The following CDKAL1 variants were observed in gnomAD, a reference collection of about 807,000 sequenced individuals.
The protein encoded by CDKAL1 is threonylcarbamoyladenosine tRNA methylthiotransferase.
A neutral mutation model predicts 68.2 loss-of-function variants in CDKAL1; 32 were observed. That is an observed-to-expected ratio of 0.47 (90% CI 0.35 to 0.63). The LOEUF is 0.63. Ranked by LOEUF, CDKAL1 falls within the 30% of genes least tolerant of loss-of-function variation. The probability of loss-of-function intolerance (pLI) is 0.00; values close to 1 mark genes in which losing one functional copy is unlikely to be tolerated. For missense variants in CDKAL1, 606 were observed against 696.7 expected (o/e 0.87, Z 1.47); for synonymous variants, 234 against 244.3 (o/e 0.96, Z 0.39).
intron 6 of CDKAL1, among the ~76,000 whole-genome samples, chr6:20,746,428 G>A (rs1773666439): frequency 6.6e-6 from 1 of 152,192 alleles, no homozygotes; most frequent in Non-Finnish European, 1.5e-5. Flanking sequence ...GTGTTACACA[G>A]CAAAGTTGCT....
chr6:20,740,404 A>G (rs1263083902), intron 6 of CDKAL1, among the ~76,000 whole-genome samples: 1 of 152,112 alleles, frequency 6.6e-6, no homozygotes, highest in Non-Finnish European at 1.5e-5. Context: ...TTTGTAGTCA[A>G]TTACTCTTTG....
intron 5 of CDKAL1, among the ~76,000 whole-genome samples, chr6:20,707,152 T>C (rs550961804): frequency 6.6e-6 from 1 of 152,348 alleles, no homozygotes; most frequent in East Asian, 1.9e-4. Context: ...ATGATGGAGA[T>C]AATGTTCTGT....
intron 4 of CDKAL1, among the ~76,000 whole-genome samples, chr6:20,598,024 G>A (rs1765912171): frequency 6.6e-6 from 1 of 152,164 alleles, no homozygotes. Context: ...TTTATCTCCT[G>A]TTATTCCCTC....
At chr6:20,987,052 G>A (rs1387161394) in intron 10 of CDKAL1, among the ~76,000 whole-genome samples, 2 of 152,162 alleles carry the variant, frequency 1.3e-5, no homozygotes, top group Non-Finnish European at 2.9e-5. Context: ...GGCAAACAAA[G>A]ATGTGTAAGC....
chr6:21,229,698 C>T (rs1030894424), intron 15 of CDKAL1, among the ~76,000 whole-genome samples: 6 of 152,224 alleles, frequency 3.9e-5, no homozygotes, highest in African/African-American at 1.4e-4. Context: ...CTCATCTGCT[C>T]CTTCCACACC....
intron 4 of CDKAL1, among the ~76,000 whole-genome samples, chr6:20,648,516 C>T (rs929612436): frequency 1.3e-5 from 2 of 151,916 alleles, no homozygotes; most frequent in Admixed American, 1.3e-4. Flanking sequence ...ATCTTTCTTC[C>T]TAGGTGGAGA....
intron 4 of CDKAL1, among the ~76,000 whole-genome samples, chr6:20,614,195 C>A (rs1766779856): frequency 6.6e-6 from 1 of 152,190 alleles, no homozygotes; most frequent in Admixed American, 6.5e-5. Flanking sequence ...GATTTTTCCC[C>A]CTTTGCTATA....
intron 13 of CDKAL1, among the ~76,000 whole-genome samples, chr6:21,114,463 T>C (rs1358427225): frequency 3.9e-5 from 6 of 152,200 alleles, no homozygotes; most frequent in Non-Finnish European, 8.8e-5. Flanking sequence ...CTGGATGTGG[T>C]GGCTCATCCC....
At chr6:20,877,148 C>A (rs1056115927) in intron 9 of CDKAL1, among the ~76,000 whole-genome samples, 1 of 152,068 alleles carries the variant, frequency 6.6e-6, no homozygotes, top group Non-Finnish European at 1.5e-5. Context: ...ATGGGAAAGA[C>A]TTTTGTGGTT....
chr6:20,874,975 A>G (rs537063687), intron 9 of CDKAL1, among the ~76,000 whole-genome samples: 35 of 151,892 alleles, frequency 2.3e-4, no homozygotes, highest in Admixed American at 5.9e-4. Context: ...TTTTGAACTG[A>G]TGGGAGGAGG....
At chr6:21,050,041 A>G (rs1770457541) in intron 11 of CDKAL1, among the ~76,000 whole-genome samples, 1 of 152,146 alleles carries the variant, frequency 6.6e-6, no homozygotes, top group African/African-American at 2.4e-5. Flanking sequence ...GTTTACTTTA[A>G]AAAGGTAAAA....
At chr6:20,544,521 A>G (rs560211026) in intron 2 of CDKAL1, among the ~76,000 whole-genome samples, 1,612 of 142,170 alleles carry the variant, frequency 0.011, 23 homozygotes, top group Non-Finnish European at 0.012. Flanking sequence ...GCGTGAACCC[A>G]GGAGGCGGAG....
rs1779190984 is a variant in CDKAL1 at position 21,212,521 on chromosome 6, T to A, written c.1548+11247T>A. Reference sequence around the variant, plus strand: ...TAACCATAAATTGTAGTTTCCTAGTTTCCCTTCTCACTTTCTAATGATGAA... The same window carrying A: ...TAACCATAAATTGTAGTTTCCTAGTATCCCTTCTCACTTTCTAATGATGAA... On this transcript the variant is annotated intron_variant, in intron 15 of 15. Transcript: ENST00000274695. Among the ~76,000 whole-genome samples the A allele has an allele frequency of 2.0e-5, 3 of 152,162 alleles. No homozygotes were observed. The South Asian group carries it at 6.2e-4, about 32-fold the overall frequency.
chr6:20,724,127 G>A (rs1168249409), intron 5 of CDKAL1, among the ~76,000 whole-genome samples: 1 of 151,966 alleles, frequency 6.6e-6, no homozygotes, highest in Non-Finnish European at 1.5e-5. Context: ...TGGTAGAGAT[G>A]GTGTTTCACC....
chr6:21,142,447 A>G (rs1392953235), intron 13 of CDKAL1, among the ~76,000 whole-genome samples: 1 of 152,150 alleles, frequency 6.6e-6, no homozygotes, highest in Admixed American at 6.5e-5. Context: ...GCTAGCACCT[A>G]CCTCCTGGTG....
intron 9 of CDKAL1, among the ~76,000 whole-genome samples, chr6:20,951,171 A>C (rs1408174096): frequency 6.6e-6 from 1 of 152,102 alleles, no homozygotes; most frequent in Admixed American, 6.5e-5. Context: ...ATTTTTAGAG[A>C]CTACTCATGA....
intron 13 of CDKAL1, among the ~76,000 whole-genome samples, chr6:21,160,665 G>A (rs184238962): frequency 0.22 from 27,512 of 126,864 alleles, 3,233 homozygotes; most frequent in African/African-American, 0.34. Flanking sequence ...ACGTGTGTGT[G>A]TGTGTGTGTG....
chr6:20,914,384 C>T (rs1762625160), intron 9 of CDKAL1, among the ~76,000 whole-genome samples: 2 of 152,198 alleles, frequency 1.3e-5, no homozygotes, highest in Non-Finnish European at 2.9e-5. Context: ...AATGCACCCA[C>T]CGCCAAACAC....
intron 4 of CDKAL1, chr6:20,599,251 C>A: frequency 3.0e-6 from 1 of 331,232 alleles, no homozygotes; most frequent in Non-Finnish European, 5.9e-6. Context: ...AGTATAAATC[C>A]AGAGATATTA....
Sources: allele counts gnomAD v4.1 joint callset (sites outside exome capture counted in the v4.1 genomes callset), GRCh38; gene constraint gnomAD v4.1.1; transcripts MANE v1.5; gene names NCBI Gene and HGNC (gene_info 2026-07-23, HGNC 2026-07-21).